The following CDH13 variants were observed in gnomAD, a reference collection of about 807,000 sequenced individuals.
CDH13 encodes cadherin 13.
In CDH13, 24 loss-of-function variants were observed where a neutral mutation model predicts 63.8. That is an observed-to-expected ratio of 0.38 (90% CI 0.27 to 0.53). The LOEUF (loss-of-function observed/expected upper bound fraction) is 0.53, where lower values mean the gene tolerates loss of function less well. Among genes scored for constraint, CDH13 ranks in the 20% least tolerant of loss-of-function variants. The pLI, the probability that CDH13 is intolerant of heterozygous loss-of-function variation, is 0.85. For missense variants in CDH13, 1,049 were observed against 903.1 expected (o/e 1.16, Z -2.07); for synonymous variants, 503 against 355.3 (o/e 1.42, Z -4.67).
At chr16:83,452,586 G>A (rs1027520830) in intron 6 of CDH13, among the ~76,000 whole-genome samples, 1 of 152,064 alleles carries the variant, frequency 6.6e-6, no homozygotes, top group Non-Finnish European at 1.5e-5. Flanking sequence ...CTTGTTTCCT[G>A]CCCAGCAATT....
intron 8 of CDH13, among the ~76,000 whole-genome samples, chr16:83,613,717 C>T (rs936609701): frequency 1.3e-5 from 2 of 152,096 alleles, no homozygotes; most frequent in African/African-American, 4.8e-5. Context: ...CCTGTAGTCT[C>T]AGCTGCCTTG....
At chr16:83,522,359 G>A (rs1019988582) in intron 7 of CDH13, among the ~76,000 whole-genome samples, 1 of 152,144 alleles carries the variant, frequency 6.6e-6, no homozygotes, top group African/African-American at 2.4e-5. Context: ...TTGTGTTATG[G>A]ACTGTCAAAA....
intron 6 of CDH13, among the ~76,000 whole-genome samples, chr16:83,401,150 G>A (rs1408363341): frequency 6.6e-6 from 1 of 152,132 alleles, no homozygotes; most frequent in Non-Finnish European, 1.5e-5. Context: ...AGACCAGCCT[G>A]GCCAATATGG....
At chr16:83,287,498 G>A (rs1040850414) in intron 5 of CDH13, among the ~76,000 whole-genome samples, 1 of 152,118 alleles carries the variant, frequency 6.6e-6, no homozygotes, top group African/African-American at 2.4e-5. Flanking sequence ...ATTCTCATAC[G>A]AGCATGAACC....
intron 5 of CDH13, among the ~76,000 whole-genome samples, chr16:83,234,049 T>C (rs1211469386): frequency 6.6e-6 from 1 of 152,180 alleles, no homozygotes; most frequent in African/African-American, 2.4e-5. Context: ...TCCAAGGGGT[T>C]CCCCTCTTCT....
At chr16:83,649,746 G>T (rs1361576764) in intron 8 of CDH13, among the ~76,000 whole-genome samples, 1 of 152,044 alleles carries the variant, frequency 6.6e-6, no homozygotes, top group African/African-American at 2.4e-5. Flanking sequence ...CTGCCTTCTC[G>T]CACTCTTCCC....
At chr16:83,429,054 G>A (rs1416168691) in intron 6 of CDH13, among the ~76,000 whole-genome samples, 2 of 152,224 alleles carry the variant, frequency 1.3e-5, no homozygotes, top group African/African-American at 4.8e-5. Flanking sequence ...GTTACCAAAG[G>A]AAGAAAGAGG....
chr16:83,740,468 C>T (rs1911957249), intron 10 of CDH13, among the ~76,000 whole-genome samples: 1 of 152,160 alleles, frequency 6.6e-6, no homozygotes, highest in South Asian at 2.1e-4. Context: ...ACAGCTACCT[C>T]GGTCCACTGC....
chr16:83,037,128 C>G (rs906078926), intron 3 of CDH13, among the ~76,000 whole-genome samples: 7 of 152,166 alleles, frequency 4.6e-5, no homozygotes, highest in African/African-American at 1.7e-4. Context: ...GAGACTAGAG[C>G]TACTAGTTGA....
intron 7 of CDH13, among the ~76,000 whole-genome samples, chr16:83,506,624 C>T (rs1016299066): frequency 1.3e-5 from 2 of 152,222 alleles, no homozygotes; most frequent in African/African-American, 2.4e-5. Flanking sequence ...TACCCATGCT[C>T]CTGCGTGGTC....
At chr16:83,453,221 G>T (rs2072929651) in intron 6 of CDH13, among the ~76,000 whole-genome samples, 1 of 152,116 alleles carries the variant, frequency 6.6e-6, no homozygotes, top group African/African-American at 2.4e-5. Flanking sequence ...CGGGGGAAAG[G>T]GTGGGTAGTG....
chr16:82,750,950 A>G (rs957762361), intron 1 of CDH13, among the ~76,000 whole-genome samples: 1 of 152,220 alleles, frequency 6.6e-6, no homozygotes, highest in African/African-American at 2.4e-5. Context: ...TTCAAACCAC[A>G]ACAGTGATGG....
intron 6 of CDH13, among the ~76,000 whole-genome samples, chr16:83,406,402 C>A (rs962766622): frequency 1.3e-5 from 2 of 151,318 alleles, no homozygotes; most frequent in Non-Finnish European, 2.9e-5. Context: ...GAATGGAACC[C>A]CAGCTCTCTT....
chr16:82,794,979 A>G (rs889614260), intron 1 of CDH13, among the ~76,000 whole-genome samples: 78 of 152,282 alleles, frequency 5.1e-4, no homozygotes, highest in African/African-American at 1.9e-3. Flanking sequence ...CCCAGTCCTG[A>G]GAGATTCTGA....
chr16:83,533,146 C>A (rs2075116220), intron 7 of CDH13, among the ~76,000 whole-genome samples: 1 of 152,320 alleles, frequency 6.6e-6, no homozygotes, highest in Admixed American at 6.5e-5. Flanking sequence ...ACTCTGTCTC[C>A]ACTCACTCTT....
intron 9 of CDH13, among the ~76,000 whole-genome samples, chr16:83,674,445 C>T (rs1445419852): frequency 1.3e-5 from 2 of 152,214 alleles, no homozygotes; most frequent in African/African-American, 4.8e-5. Flanking sequence ...GGGCAGAAAA[C>T]ATCCTTTCTA....
chr16:83,217,301 T>G (rs2039564963), intron 4 of CDH13, 44 bp from the exon 5 acceptor site: 1 of 1,606,628 alleles, frequency 6.2e-7, no homozygotes, highest in South Asian at 1.1e-5. Context: ...GCTTTCTCTG[T>G]GTTTTCCAGG....
At chr16:82,852,967 G>T (rs2039553785) in intron 1 of CDH13, among the ~76,000 whole-genome samples, 1 of 151,430 alleles carries the variant, frequency 6.6e-6, no homozygotes, top group Admixed American at 6.6e-5. Context: ...TACCTGTCAG[G>T]ATAAAAAAAA....
chr16:83,341,384 G>A (rs950845494), intron 5 of CDH13, among the ~76,000 whole-genome samples: 2 of 152,188 alleles, frequency 1.3e-5, no homozygotes, highest in Non-Finnish European at 2.9e-5. Context: ...CTTCGTATGA[G>A]AACAGTGATG....
Sources: allele counts gnomAD v4.1 joint callset (sites outside exome capture counted in the v4.1 genomes callset), GRCh38; gene constraint gnomAD v4.1.1; transcripts MANE v1.5; gene names NCBI Gene and HGNC (gene_info 2026-07-23, HGNC 2026-07-21).